Variants in ZNF333 observed in about 807,000 individuals in gnomAD.
ZNF333 encodes the protein zinc finger protein 333.
A neutral mutation model predicts 76.1 loss-of-function variants in ZNF333; 61 were observed. The ratio of observed to expected loss-of-function variants is 0.80; its 90% CI spans 0.65 to 0.99. The LOEUF (loss-of-function observed/expected upper bound fraction) is 0.99, where lower values mean the gene tolerates loss of function less well. Among genes scored for constraint, ZNF333 ranks in the 50% least tolerant of loss-of-function variants. The probability of loss-of-function intolerance (pLI) is 0.00; values close to 1 mark genes in which losing one functional copy is unlikely to be tolerated. For missense variants in ZNF333, 717 were observed against 822.4 expected (o/e 0.87, Z 1.57); for synonymous variants, 284 against 305.0 (o/e 0.93, Z 0.72).
intron 6 of ZNF333, 54 bp from the exon 7 acceptor site, chr19:14,706,632 A>G: frequency 7.1e-7 from 1 of 1,407,106 alleles, no homozygotes; most frequent in East Asian, 2.3e-5. Flanking sequence ...AGCAGGTGTG[A>G]GTGGCCCCCT....
intron 5 of ZNF333, among the ~76,000 whole-genome samples, chr19:14,702,857 A>C (rs953613762): frequency 1.3e-5 from 2 of 152,156 alleles, no homozygotes; most frequent in African/African-American, 4.8e-5. Context: ...CATCCTTCAC[A>C]TGGTGGGCAG....
intron 10 of ZNF333, 70 bp downstream of exon 10, chr19:14,717,159 T>G: frequency 7.5e-7 from 1 of 1,326,558 alleles, no homozygotes; most frequent in Non-Finnish European, 1.1e-6. Flanking sequence ...GGAAACTGTC[T>G]TATCAGGGCA....
At chr19:14,728,987 G>A (rs1188378745) in intron 11 of ZNF333, among the ~76,000 whole-genome samples, 1 of 152,222 alleles carries the variant, frequency 6.6e-6, no homozygotes, top group Non-Finnish European at 1.5e-5. Context: ...GAAGGGGGAA[G>A]GGGACGTGAG....
intron 1 of ZNF333, among the ~76,000 whole-genome samples, chr19:14,691,696 A>C (rs1239325169): frequency 2.6e-5 from 1 of 38,350 alleles, no homozygotes; most frequent in African/African-American, 1.7e-4. Context: ...TTTTTTTTTG[A>C]GACAGAGTCT....
chr19:14,718,878 G>A lies in ZNF333; in HGVS notation c.1551G>A (p.Thr517=), dbSNP rs752924041. The change falls in exon 12 of 12, where the codon ACG becomes ACA. Residue 517 remains threonine (T), a synonymous_variant. Transcript: ENST00000292530. ...ECNQCGKPFR[T]STHLNVHKRI... is the part of the protein sequence containing the mutation. Reference sequence around the variant, plus strand: ...ACCAGTGTGGCAAGCCCTTCCGGACGAGCACTCATCTGAACGTGCACAAGA... The same window carrying A: ...ACCAGTGTGGCAAGCCCTTCCGGACAAGCACTCATCTGAACGTGCACAAGA... 1.9e-6 allele frequency: 3 copies of A among 1,614,128 alleles called. No individual in the cohort carries two copies. Among genetic ancestry groups the A allele is most frequent in the Admixed American group, 1.7e-5 (1 of 60,020 alleles).
At chr19:14,725,125 G>A (rs2042625618), downstream of ZNF333, among the ~76,000 whole-genome samples, 1 of 152,188 alleles carries the variant, frequency 6.6e-6, no homozygotes. Flanking sequence ...TGAAGCAGGA[G>A]CAGGAACATC....
intron 4 of ZNF333, among the ~76,000 whole-genome samples, chr19:14,698,840 A>G (rs1973427610): frequency 7.6e-6 from 1 of 131,578 alleles, no homozygotes; most frequent in Non-Finnish European, 1.6e-5. Flanking sequence ...ACTCTGTCTC[A>G]AAAAAAACAA....
At position 14,720,773 on chromosome 19, in the gene ZNF333, C is replaced by T; in HGVS notation, c.*1448C>T. ...CAAATGTGTTTAAAAACCATCTACA[C>T]ATTTATAAATGTTGATCTGTGATCT... On this transcript the variant is annotated 3_prime_UTR_variant, in exon 12 of 12. Coordinates refer to ENST00000292530, the MANE Select transcript of ZNF333 (RefSeq NM_032433.4). The T allele has an allele frequency of 6.1e-6, 6 of 985,232 alleles. No homozygotes were observed. The highest frequency in any genetic ancestry group is 7.2e-6 in the Non-Finnish European group (6 of 829,814). 61.0% of individuals were successfully genotyped at this position (985,232 alleles called of 1,614,324 possible).
chr19:14,705,055 G>A lies in ZNF333; in HGVS notation c.308G>A (p.Gly103Glu). The change falls in exon 6 of 12, where the codon GGG (glycine) becomes GAG (glutamate). Residue 103 changes from glycine (G) to glutamate (E), a missense_variant and splice_region_variant. Transcript: ENST00000292530. ...EEASSRDMQM[G>E]PGLFLRMQLV... ...CAGCACCCTCTTGTCTTTTGCCAGGGGCCGGGGCTGTTCCTGAGGATGCAG... is the reference window on the plus strand; with the variant it reads ...CAGCACCCTCTTGTCTTTTGCCAGGAGCCGGGGCTGTTCCTGAGGATGCAG... 1 of 1,613,770 alleles carries A rather than the reference G, an allele frequency of 6.2e-7. No individual in the cohort carries two copies. The highest frequency in any genetic ancestry group is 8.5e-7 in the Non-Finnish European group (1 of 1,179,800).
In ZNF333 at chr19:14,721,095, G is replaced by C; in HGVS notation, c.*1770G>C. 1.9e-6 allele frequency: 1 copy of C among 516,314 alleles called. No homozygotes were observed. Among genetic ancestry groups the C allele is most frequent in the Non-Finnish European group, 2.5e-6 (1 of 402,340 alleles). The allele number at this position is 516,314 out of a possible 1,614,324, so 32.0% of individuals were successfully genotyped here. A position where few individuals can be genotyped will look rare whatever the true frequency, so the allele number is the denominator to read the frequency against. On this transcript the variant is annotated 3_prime_UTR_variant, in exon 12 of 12. Transcript: ENST00000292530. Reference sequence around the variant, plus strand: ...GATAGTAGCCACTGCCTGAAGCTTTGCATCTTTTAATTTAGTCCTCACACT... The same window carrying C: ...GATAGTAGCCACTGCCTGAAGCTTTCCATCTTTTAATTTAGTCCTCACACT...
rs1297750123 is a variant in ZNF333 at position 14,690,114 on chromosome 19, G to GCGCGT, written c.-77_-76insGCGTC. 1 of 151,576 alleles carries GCGCGT rather than the reference G, an allele frequency of 6.6e-6. No homozygotes were observed. The highest frequency in any genetic ancestry group is 2.1e-4 in the South Asian group (1 of 4,812). The allele number at this position is 151,576 out of a possible 1,614,324, so 9.4% of individuals were successfully genotyped here. A position where few individuals can be genotyped will look rare whatever the true frequency, so the allele number is the denominator to read the frequency against. On this transcript the variant is annotated 5_prime_UTR_variant, in exon 1 of 12. Transcript: ENST00000292530. Reference sequence around the variant, plus strand: ...GTGCTGCGCGGCGCGGCGCGGTGCGGCACGGCACGGTGGGAGTGTCTCCGG... The same window carrying GCGCGT: ...GTGCTGCGCGGCGCGGCGCGGTGCGGCGCGTCACGGCACGGTGGGAGTGTCTCCGG...
chr19:14,698,652 A>G (rs1973408997), intron 4 of ZNF333, among the ~76,000 whole-genome samples: 1 of 151,902 alleles, frequency 6.6e-6, no homozygotes, highest in African/African-American at 2.4e-5. Flanking sequence ...AGCCTGGCCA[A>G]GATGGTGAAA....
chr19:14,705,057 C>T lies in ZNF333; in HGVS notation c.310C>T (p.Pro104Ser), dbSNP rs1331599041. The T allele has an allele frequency of 6.2e-7, 1 of 1,613,618 alleles. No homozygotes were observed. The highest frequency in any genetic ancestry group is 1.1e-5 in the South Asian group (1 of 91,038). Residue 104 changes from proline (P) to serine (S), a missense_variant, in exon 6 of 12, where the codon CCG (proline) becomes TCG (serine). Pro to Ser is a moderately conservative substitution (Grantham distance 74). Transcript: ENST00000292530. ...GCACCCTCTTGTCTTTTGCCAGGGG[C>T]CGGGGCTGTTCCTGAGGATGCAGCT... The part of the protein sequence containing the change: ...EASSRDMQMG[P>S]GLFLRMQLVP...
At chr19:14,702,413 G>T (rs1050674897) in intron 5 of ZNF333, among the ~76,000 whole-genome samples, 8 of 152,222 alleles carry the variant, frequency 5.3e-5, no homozygotes, top group African/African-American at 1.9e-4. Flanking sequence ...TCAGCTACTT[G>T]GGAGGCTAAG....
intron 2 of ZNF333, among the ~76,000 whole-genome samples, chr19:14,694,655 A>G (rs3915403): frequency 0.22 from 33,153 of 151,970 alleles, 3,883 homozygotes; most frequent in Middle Eastern, 0.35. Flanking sequence ...CTCTCTAAGC[A>G]GGGAGGGACA....
intron 7 of ZNF333, chr19:14,706,982 C>T (rs1334548819): frequency 7.8e-6 from 4 of 513,242 alleles, no homozygotes; most frequent in Non-Finnish European, 1.4e-5. Flanking sequence ...AGAGAGGGCT[C>T]ACTCAACCAC....
intron 5 of ZNF333, among the ~76,000 whole-genome samples, chr19:14,704,504 T>A (rs942812136): frequency 6.6e-6 from 1 of 152,174 alleles, no homozygotes; most frequent in Non-Finnish European, 1.5e-5. Context: ...ACACTGCTGA[T>A]AAAGACATAC....
In ZNF333 at chr19:14,721,280, C is replaced by CTTTTTTTTTTTTTTTTTTTTTT; in HGVS notation, c.*1959_*1980dup. 1.1e-5 allele frequency: 1 copy of CTTTTTTTTTTTTTTTTTTTTTT among 87,862 alleles called. No individual in the cohort carries two copies. The allele number at this position is 87,862 out of a possible 1,614,324, so 5.4% of individuals were successfully genotyped here. A position where few individuals can be genotyped will look rare whatever the true frequency, so the allele number is the denominator to read the frequency against. On this transcript the variant is annotated 3_prime_UTR_variant, in exon 12 of 12. Transcript: ENST00000292530. ...GGACTAGTCTCCATTTTTACTTGTT[C>CTTTTTTTTTTTTTTTTTTTTTT]TTTTTTTTTTTTTTTTTTTTTTTTT...
Position 14,717,037 on chromosome 19 carries a change from AAG to A in ZNF333, c.774_775del (p.Gly259ArgfsTer6). On this transcript the variant is annotated frameshift_variant, in exon 10 of 12. Transcript: ENST00000292530. LOFTEE classifies it high-confidence loss of function. ...KPNALSYLEE[R>X]GEQWTTDRGV... ...CCAATGCGTTGTCTTATTTGGAAGA[AAG>A]AGGAGAGCAGTGGACCACTGACAGG... 2 of 1,612,138 alleles carry A rather than the reference AAG, an allele frequency of 1.2e-6. No homozygotes were observed. Among genetic ancestry groups the A allele is most frequent in the Non-Finnish European group, 1.7e-6 (2 of 1,179,032 alleles).
Sources: allele counts gnomAD v4.1 joint callset (sites outside exome capture counted in the v4.1 genomes callset), GRCh38; gene constraint gnomAD v4.1.1; transcripts MANE v1.5; gene names NCBI Gene and HGNC (gene_info 2026-07-23, HGNC 2026-07-21).